The following ELP4 variants were observed in gnomAD, a reference collection of about 807,000 sequenced individuals.
ELP4 encodes elongator complex protein 4.
Under a neutral mutation model 48.9 loss-of-function variants are expected in ELP4, and 51 were observed. That is an observed-to-expected ratio of 1.04 (90% CI 0.83 to 1.32). The LOEUF (loss-of-function observed/expected upper bound fraction) is 1.32, where lower values mean the gene tolerates loss of function less well. Among genes scored for constraint, ELP4 ranks in the 40% most tolerant of loss-of-function variants. The pLI, the probability that ELP4 is intolerant of heterozygous loss-of-function variation, is 0.00. For synonymous variants in ELP4, 210 were observed against 189.2 expected (o/e 1.11, Z -0.90); for missense variants, 519 against 514.6 (o/e 1.01, Z -0.08).
chr11:31,638,362 C>G (rs2134055696), intron 7 of ELP4, among the ~76,000 whole-genome samples: 1 of 151,920 alleles, frequency 6.6e-6, no homozygotes, highest in East Asian at 1.9e-4. Context: ...AGATTTGAAA[C>G]TAGCCTATAG....
chr11:31,630,360 ACT>A (rs1432591673), intron 6 of ELP4, among the ~76,000 whole-genome samples: 7 of 145,328 alleles, frequency 4.8e-5, no homozygotes, highest in African/African-American at 1.8e-4. Flanking sequence ...ATGGAGTCTC[ACT>A]CTGTCACCCA....
chr11:31,632,621 T>C (rs1049922009), intron 7 of ELP4: 3 of 409,146 alleles, frequency 7.3e-6, no homozygotes, highest in African/African-American at 6.2e-5. Context: ...AGCTACAACT[T>C]GGTAATAATT....
In ELP4 at chr11:31,598,683, T is replaced by C. The variant is rs1957723227; in HGVS notation, c.513+3782T>C. Reference sequence around the variant, plus strand: ...ACAGCACCCAGCTTATTGTTTAATATTTTTGTAGAGATAGGGTCTCACTAT... The same window carrying C: ...ACAGCACCCAGCTTATTGTTTAATACTTTTGTAGAGATAGGGTCTCACTAT... On this transcript the variant is annotated intron_variant, in intron 4 of 9. Transcript: ENST00000640961. 2.6e-5 allele frequency among the ~76,000 whole-genome samples: 4 copies of C among 151,778 alleles called. 1 individual carries two copies. In the South Asian group the frequency reaches 8.3e-4, roughly 32 times the overall value.
In ELP4 at chr11:31,777,862, G is replaced by A. The variant is rs1451332419; in HGVS notation, c.1144-5531G>A. 3.9e-5 allele frequency among the ~76,000 whole-genome samples: 6 copies of A among 152,328 alleles called. No homozygotes were observed. The South Asian group carries it at 1.2e-3, about 32-fold the overall frequency. On this transcript the variant is annotated intron_variant, in intron 9 of 9. Transcript: ENST00000640961. ...TTTTATAAGCCATTTTTGGAAGAGG[G>A]TAGGAGTGTCTCTGTATTATAGCTA...
intron 9 of ELP4, among the ~76,000 whole-genome samples, chr11:31,731,543 G>A (rs958943282): frequency 1.4e-5 from 2 of 145,826 alleles, no homozygotes; most frequent in Non-Finnish European, 3.0e-5. Context: ...AAAACCTAGG[G>A]GACTTATGGT....
chr11:31,694,679 G>T (rs913969923), intron 9 of ELP4, among the ~76,000 whole-genome samples: 1 of 152,062 alleles, frequency 6.6e-6, no homozygotes, highest in African/African-American at 2.4e-5. Context: ...CTTTAAAGTA[G>T]TTTTTCTAAT....
intron 9 of ELP4, among the ~76,000 whole-genome samples, chr11:31,661,736 A>G (rs1945559870): frequency 6.6e-6 from 1 of 152,044 alleles, no homozygotes; most frequent in Non-Finnish European, 1.5e-5. Context: ...TTTTCTTTAG[A>G]TGCTTAATAT....
At chr11:31,569,366 A>G (rs2133953720) in intron 3 of ELP4, among the ~76,000 whole-genome samples, 1 of 152,318 alleles carries the variant, frequency 6.6e-6, no homozygotes, top group Middle Eastern at 3.4e-3. Context: ...CAGGCCTAAT[A>G]CCCAGATCCT....
rs143530229 is a variant in ELP4, at chr11:31,679,211, A to C, written c.1143+28990A>C. Among the ~76,000 whole-genome samples the C allele has an allele frequency of 9.9e-5, 15 of 152,276 alleles. No individual in the cohort carries two copies. In the East Asian group the frequency reaches 2.9e-3, roughly 29 times the overall value. On this transcript the variant is annotated intron_variant, in intron 9 of 9. Transcript: ENST00000640961. ...ATGCAACTATATTCAAGTTCAGTTG[A>C]CTATATTCATGTACCACATATACCA...
intron 7 of ELP4, among the ~76,000 whole-genome samples, chr11:31,642,571 A>G (rs1287247122): frequency 6.6e-6 from 1 of 151,848 alleles, no homozygotes; most frequent in Non-Finnish European, 1.5e-5. Flanking sequence ...CAGTTTTCCT[A>G]TGTGAATATT....
chr11:31,550,679 C>G (rs553084686), intron 3 of ELP4, among the ~76,000 whole-genome samples: 3 of 152,234 alleles, frequency 2.0e-5, no homozygotes, highest in South Asian at 4.2e-4. Flanking sequence ...GAAACTCTTG[C>G]AAAAATACCC....
rs865882073 is a variant in ELP4, at chr11:31,682,037, G to A, written c.1143+31816G>A. 5.0e-5 allele frequency: 65 copies of A among 1,290,934 alleles called. 1 individual carries two copies. The highest frequency in any genetic ancestry group is 4.3e-4 in the Middle Eastern group (2 of 4,660). The allele number at this position is 1,290,934 out of a possible 1,614,324, so 80.0% of individuals were successfully genotyped here. A position where few individuals can be genotyped will look rare whatever the true frequency, so the allele number is the denominator to read the frequency against. Reference sequence around the variant, plus strand: ...ATTACAGGCATGAGCTACCGCGCCCGGCCTAGGGCTTTGTATTTCAAAGAG... The same window carrying A: ...ATTACAGGCATGAGCTACCGCGCCCAGCCTAGGGCTTTGTATTTCAAAGAG... On this transcript the variant is annotated intron_variant, in intron 9 of 9. Coordinates refer to ENST00000640961, the MANE Select transcript of ELP4 (RefSeq NM_019040.5).
rs571301362 is a variant in ELP4, at chr11:31,526,254, A to G, written c.259+6163A>G. Among the ~76,000 whole-genome samples, 3 of 152,254 alleles carry G rather than the reference A, an allele frequency of 2.0e-5. No individual in the cohort carries two copies. The East Asian group carries it at 5.8e-4, about 29-fold the overall frequency. ...TTCACAATCAAATTTCTCATTTTATACTAAAACATGATAACTTATCTTAAA... is the reference window on the plus strand; with the variant it reads ...TTCACAATCAAATTTCTCATTTTATGCTAAAACATGATAACTTATCTTAAA... On this transcript the variant is annotated intron_variant, in intron 2 of 9. Transcript: ENST00000640961.
chr11:31,782,743 T>C (rs1474285186), intron 9 of ELP4, among the ~76,000 whole-genome samples: 1 of 152,112 alleles, frequency 6.6e-6, no homozygotes, highest in Non-Finnish European at 1.5e-5. Context: ...GACCCAACAT[T>C]ATGCATAGAA....
chr11:31,713,354 G>C (rs1475389184), intron 9 of ELP4, among the ~76,000 whole-genome samples: 1 of 152,048 alleles, frequency 6.6e-6, no homozygotes, highest in Non-Finnish European at 1.5e-5. Flanking sequence ...ATCAAATGTT[G>C]ATGAAAACCT....
At chr11:31,681,654 A>G (rs1946052994) in intron 9 of ELP4, 2 of 152,972 alleles carry the variant, frequency 1.3e-5, no homozygotes, top group Admixed American at 1.3e-4. Context: ...GAAGATGGAC[A>G]GAAGATACAT....
chr11:31,516,592 C>T (rs1332420044), intron 1 of ELP4, among the ~76,000 whole-genome samples: 2 of 152,256 alleles, frequency 1.3e-5, no homozygotes, highest in African/African-American at 2.4e-5. Flanking sequence ...ACTTCCCATG[C>T]TCAATTGATC....
At chr11:31,575,758 C>A (rs1031289854) in intron 3 of ELP4, among the ~76,000 whole-genome samples, 1 of 152,172 alleles carries the variant, frequency 6.6e-6, no homozygotes, top group African/African-American at 2.4e-5. Flanking sequence ...TTCGTTACCA[C>A]CAGGCTTGCC....
chr11:31,543,117 G>T (rs1347246603), intron 3 of ELP4, among the ~76,000 whole-genome samples: 3 of 151,784 alleles, frequency 2.0e-5, no homozygotes, highest in Non-Finnish European at 4.4e-5. Flanking sequence ...ATAGACTGGG[G>T]AAAAAAAAGA....
Sources: allele counts gnomAD v4.1 joint callset (sites outside exome capture counted in the v4.1 genomes callset), GRCh38; gene constraint gnomAD v4.1.1; transcripts MANE v1.5; gene names NCBI Gene and HGNC (gene_info 2026-07-23, HGNC 2026-07-21).